The following MEGF10 variants were observed in gnomAD, a reference collection of about 807,000 sequenced individuals.
The protein encoded by MEGF10 is multiple epidermal growth factor-like domains protein 10.
In MEGF10, 86 loss-of-function variants were observed where a neutral mutation model predicts 147.5. The ratio of observed to expected loss-of-function variants is 0.58; its 90% confidence interval spans 0.49 to 0.70. The LOEUF (loss-of-function observed/expected upper bound fraction) is 0.70. Among genes scored for constraint, MEGF10 ranks in the 30% least tolerant of loss-of-function variants. MEGF10 has a pLI of 0.00. For synonymous variants in MEGF10, 478 were observed against 525.5 expected (o/e 0.91, Z 1.24); for missense variants, 1,329 against 1,487.3 (o/e 0.89, Z 1.75).
chr5:127,303,816 G>A (rs1333497858), intron 1 of MEGF10, among the ~76,000 whole-genome samples: 1 of 152,182 alleles, frequency 6.6e-6, no homozygotes, highest in African/African-American at 2.4e-5. Flanking sequence ...TTAACTGAAT[G>A]TATGTCCATG....
chr5:127,292,360 A>G (rs1759297469), intron 1 of MEGF10, among the ~76,000 whole-genome samples: 1 of 152,254 alleles, frequency 6.6e-6, no homozygotes, highest in Non-Finnish European at 1.5e-5. Flanking sequence ...GGATTAAGTA[A>G]GTTAATGCAT....
chr5:127,321,745 C>T (rs1005360899), intron 1 of MEGF10, among the ~76,000 whole-genome samples: 1 of 152,000 alleles, frequency 6.6e-6, no homozygotes, highest in Admixed American at 6.6e-5. Context: ...CTGTTTGCAT[C>T]CTTCTGACTG....
intron 5 of MEGF10, among the ~76,000 whole-genome samples, chr5:127,374,644 T>G (rs1487248151): frequency 1.3e-5 from 2 of 152,140 alleles, no homozygotes; most frequent in Non-Finnish European, 2.9e-5. Flanking sequence ...TATATTAAAT[T>G]TTTTTCAAAT....
rs528749140 is a variant in MEGF10, at chr5:127,435,464, T to C, written c.2079T>C (p.Gly693=). The C allele has an allele frequency of 9.9e-6, 16 of 1,613,964 alleles. No homozygotes were observed. In the African/African-American group the frequency reaches 1.3e-4, roughly 13 times the overall value. Residue 693 remains glycine (G), a synonymous_variant, in exon 16 of 25, where the codon GGT becomes GGC. Transcript: ENST00000503335. Reference sequence around the variant, plus strand: ...ACAGATCTTGTCAGTGTTACCCCGGTTGGATTGGCAGTGACTGCTCTCAAC... The same window carrying C: ...ACAGATCTTGTCAGTGTTACCCCGGCTGGATTGGCAGTGACTGCTCTCAAC... ...PIDRSCQCYP[G]WIGSDCSQPC... is the part of the protein sequence containing the mutation.
Position 127,445,465 on chromosome 5 carries a change from A to T in MEGF10, c.2500A>T (p.Ile834Phe), listed in dbSNP as rs1300616206. The change falls in exon 20 of 25, where the codon ATC becomes TTC. Residue 834 changes from isoleucine (I) to phenylalanine (F), a missense_variant. Ile to Phe is a conservative substitution (Grantham distance 21). Transcript: ENST00000503335. ...CTCTCTTCTTTTTCTAGCTGGTGTT[A>T]TCATAGTTGGAAATCTGAACAGCTT... Reference protein sequence around the residue: ...KGARCDQAGVIIVGNLNSLSR... With the variant: ...KGARCDQAGVFIVGNLNSLSR... 6 of 1,613,030 alleles carry T rather than the reference A, an allele frequency of 3.7e-6. No homozygotes were observed. Among genetic ancestry groups the T allele is most frequent in the Admixed American group, 3.3e-5 (2 of 59,986 alleles).
intron 4 of MEGF10, among the ~76,000 whole-genome samples, chr5:127,344,738 CT>C (rs1761815490): frequency 6.6e-6 from 1 of 152,104 alleles, no homozygotes; most frequent in South Asian, 2.1e-4. Context: ...GTAAAAATCT[CT>C]TTTCTTTTGA....
the MEGF10 span, among the ~76,000 whole-genome samples, chr5:127,258,342 G>A: frequency 2.0e-5 from 3 of 152,188 alleles, no homozygotes; most frequent in South Asian, 4.1e-4. Context: ...TGTAATGGTA[G>A]TAGTGGATTC....
chr5:127,314,897 GA>G (rs561193550), intron 1 of MEGF10, among the ~76,000 whole-genome samples: 116 of 152,282 alleles, frequency 7.6e-4, no homozygotes, highest in Non-Finnish European at 1.4e-3. Context: ...GTATTTATAA[GA>G]AGGAAATGAA....
rs191921486 is a variant in MEGF10 at position 127,293,643 on chromosome 5, A to C, written c.-19+2587A>C. On this transcript the variant is annotated intron_variant, in intron 1 of 24. Coordinates refer to ENST00000503335, the MANE Select transcript of MEGF10 (RefSeq NM_001256545.2). ...TTCTTTGTGATTGTCTGCTTGGTTT[A>C]ATAGTGTATTTCTAAAATGCAAATC... 2.1e-3 allele frequency among the ~76,000 whole-genome samples: 314 copies of C among 152,300 alleles called. 4 individuals are homozygous for C. In the Middle Eastern group the frequency reaches 0.065, roughly 31 times the overall value.
At position 127,422,738 on chromosome 5, in the gene MEGF10, C is replaced by CA; in HGVS notation, c.1660dup (p.Thr554AsnfsTer16). 1 of 1,614,124 alleles carries CA rather than the reference C, an allele frequency of 6.2e-7. No homozygotes were observed. Among genetic ancestry groups the CA allele is most frequent in the Non-Finnish European group, 8.5e-7 (1 of 1,180,000 alleles). ...GCCACGCAGATGGCTGCCACCCTAC[C>CA]ACGGGCCATTGCCGCTGCCTCCCCG... On this transcript the variant is annotated frameshift_variant, in exon 13 of 25. Transcript: ENST00000503335. LOFTEE classifies it high-confidence loss of function.
intron 1 of MEGF10, among the ~76,000 whole-genome samples, chr5:127,293,078 G>A (rs1285468405): frequency 6.6e-6 from 1 of 152,122 alleles, no homozygotes; most frequent in Non-Finnish European, 1.5e-5. Context: ...TCTCCATTTA[G>A]GCATCAGTTT....
intron 1 of MEGF10, among the ~76,000 whole-genome samples, chr5:127,327,714 C>CTT (rs11285616): frequency 8.1e-6 from 1 of 122,922 alleles, no homozygotes; most frequent in Non-Finnish European, 1.7e-5. Flanking sequence ...CTTTTCTTTT[C>CTT]TTTTTTTTTT....
chr5:127,353,710 A>T (rs1484921755), intron 4 of MEGF10, among the ~76,000 whole-genome samples: 1 of 151,872 alleles, frequency 6.6e-6, no homozygotes. Flanking sequence ...GACTGTTCTG[A>T]TGATTATTTT....
chr5:127,291,294 A>G (rs1241929722), intron 1 of MEGF10, among the ~76,000 whole-genome samples: 2 of 152,038 alleles, frequency 1.3e-5, no homozygotes, highest in African/African-American at 4.8e-5. Context: ...TGATGGAGAG[A>G]CATCCTCATT....
chr5:127,425,474 C>T (rs535981726), intron 13 of MEGF10, among the ~76,000 whole-genome samples: 7 of 152,246 alleles, frequency 4.6e-5, no homozygotes, highest in Admixed American at 1.3e-4. Context: ...GGCTGTTGGT[C>T]TGTAAGCATC....
chr5:127,256,607 C>G, the MEGF10 span, among the ~76,000 whole-genome samples: 1 of 152,076 alleles, frequency 6.6e-6, no homozygotes, highest in Non-Finnish European at 1.5e-5. Flanking sequence ...TGCAGTGAGA[C>G]CCTATTACTG....
At chr5:127,252,739 A>G in the MEGF10 span, among the ~76,000 whole-genome samples, 2 of 151,950 alleles carry the variant, frequency 1.3e-5, no homozygotes, top group African/African-American at 4.8e-5. Flanking sequence ...TTCTATGATG[A>G]AAGTCCACTT....
chr5:127,260,451 G>A, the MEGF10 span, among the ~76,000 whole-genome samples: 3 of 152,070 alleles, frequency 2.0e-5, no homozygotes, highest in African/African-American at 7.2e-5. Flanking sequence ...AGAAGTTTCT[G>A]GTAAACCTCC....
rs1765056086 is a variant in MEGF10, at chr5:127,422,622, G to C, written c.1591-48G>C. The C allele has an allele frequency of 2.0e-6, 3 of 1,471,742 alleles. No homozygotes were observed. In the East Asian group the frequency reaches 6.8e-5, roughly 33 times the overall value. 91.2% of individuals were successfully genotyped at this position (1,471,742 alleles called of 1,614,324 possible). A position where few individuals can be genotyped will look rare whatever the true frequency, so the allele number is the denominator to read the frequency against. On this transcript the variant is annotated intron_variant, in intron 12 of 24. Transcript: ENST00000503335. Reference sequence around the variant, plus strand: ...AGTGGCCTTTTCCTCTTCTGTTGTGGGATTTCCCAGGCCCTCATTGCTGCC... The same window carrying C: ...AGTGGCCTTTTCCTCTTCTGTTGTGCGATTTCCCAGGCCCTCATTGCTGCC...
Sources: allele counts gnomAD v4.1 joint callset (sites outside exome capture counted in the v4.1 genomes callset), GRCh38; gene constraint gnomAD v4.1.1; transcripts MANE v1.5; gene names NCBI Gene and HGNC (gene_info 2026-07-23, HGNC 2026-07-21).